Variants in ATAD2 observed in about 807,000 individuals in gnomAD.
The protein encoded by ATAD2 is ATPase family AAA domain-containing protein 2.
ATAD2 carries 62 observed loss-of-function variants against 168.9 expected under a neutral mutation model. The ratio of observed to expected loss-of-function variants is 0.37; its 90% CI spans 0.30 to 0.45. The LOEUF is 0.45. Ranked by LOEUF, ATAD2 falls within the 20% of genes least tolerant of loss-of-function variation. ATAD2 has a pLI of 1.00. For missense variants in ATAD2, 1,419 were observed against 1,667.8 expected (o/e 0.85, Z 2.60); for synonymous variants, 613 against 571.6 (o/e 1.07, Z -1.03).
Position 123,345,100 on chromosome 8 carries a change from TAG to T in ATAD2, c.2533-33_2533-32del, listed in dbSNP as rs1485491662. 1.9e-6 allele frequency: 3 copies of T among 1,554,652 alleles called. No homozygotes were observed. The African/African-American group carries it at 4.1e-5, about 21-fold the overall frequency. ...AGAGAGAGAACAAAACAAATTCAGT[TAG>T]AGTCAGCACGTTAATAATGCTAGTT... On this transcript the variant is annotated intron_variant, in intron 18 of 27. Coordinates refer to ENST00000287394, the MANE Select transcript of ATAD2 (RefSeq NM_014109.4).
chr8:123,344,035 T>C (rs1828149843), intron 19 of ATAD2, among the ~76,000 whole-genome samples: 1 of 152,164 alleles, frequency 6.6e-6, no homozygotes, highest in Non-Finnish European at 1.5e-5. Flanking sequence ...AAATGTAAAA[T>C]ACTCTTTGAT....
At chr8:123,331,116 T>C (rs989145759) in intron 24 of ATAD2, among the ~76,000 whole-genome samples, 1 of 151,946 alleles carries the variant, frequency 6.6e-6, no homozygotes, top group Non-Finnish European at 1.5e-5. Context: ...AGTTGTTGTA[T>C]TTTTAGTAGA....
At chr8:123,343,483 T>C (rs78963881) in intron 19 of ATAD2, among the ~76,000 whole-genome samples, 3,545 of 152,212 alleles carry the variant, frequency 0.023, 143 homozygotes, top group African/African-American at 0.082. Flanking sequence ...CTGTTATATC[T>C]CCAGTGCCTA....
chr8:123,321,287 T>TA (rs893119041), intron 27 of ATAD2, 112 bp from the exon 28 acceptor site: 9 of 902,996 alleles, frequency 1.0e-5, no homozygotes, highest in Non-Finnish European at 1.5e-5. Flanking sequence ...TTCAGGTATA[T>TA]ATTTGATAGT....
chr8:123,399,842 G>A (rs1373885230), upstream of ATAD2, among the ~76,000 whole-genome samples: 2 of 151,448 alleles, frequency 1.3e-5, no homozygotes, highest in Non-Finnish European at 2.9e-5. Context: ...CAACAAGAGC[G>A]AAACTCCATC....
intron 22 of ATAD2, among the ~76,000 whole-genome samples, chr8:123,334,924 C>T (rs1041981386): frequency 6.6e-6 from 1 of 152,154 alleles, no homozygotes; most frequent in African/African-American, 2.4e-5. Context: ...GTACATTACA[C>T]GCAGAATGCT....
At chr8:123,333,513 G>A (rs1827835153) in intron 24 of ATAD2, among the ~76,000 whole-genome samples, 1 of 151,998 alleles carries the variant, frequency 6.6e-6, no homozygotes, top group Non-Finnish European at 1.5e-5. Context: ...TCTGACAAAG[G>A]GGCTTAAAGA....
rs186039060 is a variant in ATAD2, at chr8:123,384,279, A to G, written c.172-3602T>C. On this transcript the variant is annotated intron_variant, in intron 1 of 27. Coordinates refer to ENST00000287394, the MANE Select transcript of ATAD2 (RefSeq NM_014109.4). ...AAAAAAAAACTGGGTGGCACTGCTA[A>G]GCATAACTCCTTTTATTACTGTCTA... is the stretch of plus-strand genomic sequence containing the variant. 3.3e-5 allele frequency among the ~76,000 whole-genome samples: 5 copies of G among 152,296 alleles called. No homozygotes were observed. In the East Asian group the frequency reaches 9.6e-4, roughly 29 times the overall value.
At chr8:123,408,548 C>G (rs1435371719) in intron 1 of ATAD2, among the ~76,000 whole-genome samples, 1 of 152,150 alleles carries the variant, frequency 6.6e-6, no homozygotes, top group African/African-American at 2.4e-5. Context: ...CAGAGTTTCA[C>G]TCTTGTCGCC....
intron 1 of ATAD2, among the ~76,000 whole-genome samples, chr8:123,413,520 G>A (rs553611557): frequency 1.3e-5 from 2 of 152,060 alleles, no homozygotes; most frequent in African/African-American, 2.4e-5. Flanking sequence ...AGAAACTGAC[G>A]CTCAGAAATC....
intron 2 of ATAD2, 29 bp downstream of exon 2, chr8:123,380,500 T>C: frequency 6.2e-7 from 1 of 1,606,624 alleles, no homozygotes; most frequent in African/African-American, 1.3e-5. Flanking sequence ...AAAACTATTT[T>C]GAATTAGTGT....
rs1563856105 is a variant in ATAD2, at chr8:123,371,822, T to C, written c.384A>G (p.Pro128=). ...TTCTAGCCCTCAATGACCGAGTAAC[T>C]GGAATCACTTTGTCTTCACAAATGC... ...KEEHREDKVI[P]VTRSLRARNI... is the part of the protein sequence containing the mutation. The change falls in exon 4 of 28, where the codon CCA becomes CCG. Residue 128 remains proline, a synonymous_variant. Coordinates refer to ENST00000287394, the MANE Select transcript of ATAD2 (RefSeq NM_014109.4). The C allele has an allele frequency of 6.3e-7, 1 of 1,599,480 alleles. No individual in the cohort carries two copies. Among genetic ancestry groups the C allele is most frequent in the East Asian group, 2.2e-5 (1 of 44,672 alleles).
intron 8 of ATAD2, among the ~76,000 whole-genome samples, chr8:123,368,328 G>T (rs1169209097): frequency 6.6e-6 from 1 of 152,164 alleles, no homozygotes; most frequent in African/African-American, 2.4e-5. Context: ...TGAAGCAGGA[G>T]AATCGCTTGA....
chr8:123,332,967 A>G (rs1827812791), intron 24 of ATAD2, among the ~76,000 whole-genome samples: 2 of 152,128 alleles, frequency 1.3e-5, no homozygotes, highest in South Asian at 4.1e-4. Flanking sequence ...TTTTCAAAAG[A>G]AGGGCTTATT....
upstream of ATAD2, among the ~76,000 whole-genome samples, chr8:123,397,246 A>C (rs1812895158): frequency 6.6e-6 from 1 of 150,916 alleles, no homozygotes; most frequent in Non-Finnish European, 1.5e-5. Flanking sequence ...GTCTCAAAAA[A>C]AAAAAAAAAA....
At chr8:123,412,843 G>A (rs1163069644) in intron 1 of ATAD2, among the ~76,000 whole-genome samples, 1 of 152,140 alleles carries the variant, frequency 6.6e-6, no homozygotes, top group Non-Finnish European at 1.5e-5. Flanking sequence ...GCTTCTAGCA[G>A]TATAAGGCTA....
chr8:123,402,006 C>T lies in ATAD2; in HGVS notation c.-2281-831G>A. The T allele has an allele frequency of 1.4e-6, 2 of 1,425,572 alleles. No individual in the cohort carries two copies. Among genetic ancestry groups the T allele is most frequent in the Non-Finnish European group, 2.0e-6 (2 of 1,013,046 alleles). 88.3% of individuals were successfully genotyped at this position (1,425,572 alleles called of 1,614,324 possible). A position where few individuals can be genotyped will look rare whatever the true frequency, so the allele number is the denominator to read the frequency against. On this transcript the variant is annotated intron_variant, in intron 1 of 28. Coordinates refer to the ATAD2 transcript ENST00000521903. The surrounding 1 kb of genome is among the most constrained non-coding windows in gnomAD (Gnocchi z 4.8). ...GCCCGCAGCCTGTCTGTCCTTTGGT[C>T]CATGATGTACTCAGGAGAGCTCAAG... is the stretch of plus-strand genomic sequence containing the variant.
chr8:123,325,722 A>G (rs1827596159), intron 26 of ATAD2, among the ~76,000 whole-genome samples, 171 bp downstream of exon 26: 1 of 152,188 alleles, frequency 6.6e-6, no homozygotes, highest in Admixed American at 6.5e-5. Context: ...TGCCTGACCT[A>G]GTCTTAATTT....
chr8:123,374,326 C>A (rs895261141), intron 2 of ATAD2, among the ~76,000 whole-genome samples: 1 of 152,152 alleles, frequency 6.6e-6, no homozygotes, highest in Non-Finnish European at 1.5e-5. Flanking sequence ...ACATTCCAGC[C>A]CGGGTGACAG....
Sources: allele counts gnomAD v4.1 joint callset (sites outside exome capture counted in the v4.1 genomes callset), GRCh38; gene constraint gnomAD v4.1.1; non-coding constraint Gnocchi (gnomAD v3.1); transcripts MANE v1.5; gene names NCBI Gene and HGNC (gene_info 2026-07-23, HGNC 2026-07-21).